The following SYNDIG1L variants were observed in gnomAD, a reference collection of about 807,000 sequenced individuals.
The protein encoded by SYNDIG1L is synapse differentiation inducing 1 like.
In SYNDIG1L, 13 loss-of-function variants were observed where a neutral mutation model predicts 20.1. The ratio of observed to expected loss-of-function variants is 0.65; its 90% CI spans 0.42 to 1.03. SYNDIG1L has a LOEUF of 1.03. Among genes scored for constraint, SYNDIG1L ranks in the 50% least tolerant of loss-of-function variants. The pLI, the probability that SYNDIG1L is intolerant of heterozygous loss-of-function variation, is 0.00. For missense variants in SYNDIG1L, 294 were observed against 305.1 expected, an observed-to-expected ratio of 0.96 and a Z score of 0.27; for synonymous variants, 128 against 129.3, an observed-to-expected ratio of 0.99 and a Z score of 0.07.
chr14:74,457,098 C>T, the SYNDIG1L span, among the ~76,000 whole-genome samples: 1 of 152,226 alleles, frequency 6.6e-6, no homozygotes, highest in Non-Finnish European at 1.5e-5. Flanking sequence ...AGAGATTTGA[C>T]AGCCGGGAAG....
At chr14:74,410,242 A>C (rs2086120677) in intron 1 of SYNDIG1L, among the ~76,000 whole-genome samples, 1 of 152,198 alleles carries the variant, frequency 6.6e-6, no homozygotes, top group South Asian at 2.1e-4. Context: ...TGCACAATGG[A>C]TGGAGCTGAC....
chr14:74,462,870 A>C, the SYNDIG1L span, among the ~76,000 whole-genome samples: 1 of 152,188 alleles, frequency 6.6e-6, no homozygotes, highest in African/African-American at 2.4e-5. Context: ...ATTGGAATGT[A>C]ACCCCCTCAT....
the SYNDIG1L span, among the ~76,000 whole-genome samples, chr14:74,434,382 G>A: frequency 1.9e-3 from 283 of 152,140 alleles, 3 homozygotes; most frequent in Non-Finnish European, 2.1e-3. Flanking sequence ...GGCCTGCCTC[G>A]GTGGGAGAAT....
chr14:74,442,491 G>A, the SYNDIG1L span, among the ~76,000 whole-genome samples: 1 of 152,146 alleles, frequency 6.6e-6, no homozygotes, highest in Non-Finnish European at 1.5e-5. Context: ...GGTGGGAAGA[G>A]AATAAAAGAA....
the SYNDIG1L span, chr14:74,474,961 T>G: frequency 2.6e-5 from 4 of 152,168 alleles, no homozygotes; most frequent in African/African-American, 9.7e-5. Context: ...GTCTCTATTC[T>G]CAAGATGTTT....
the SYNDIG1L span, among the ~76,000 whole-genome samples, chr14:74,448,744 C>T: frequency 1.3e-5 from 2 of 152,032 alleles, no homozygotes; most frequent in Non-Finnish European, 1.5e-5. Flanking sequence ...AGAAATATAT[C>T]TAGAAAATCA....
chr14:74,416,134 C>T (rs1425185342), intron 1 of SYNDIG1L, among the ~76,000 whole-genome samples: 1 of 151,972 alleles, frequency 6.6e-6, no homozygotes, highest in Non-Finnish European at 1.5e-5. Flanking sequence ...GAATTGTTCT[C>T]TCTCTTTTTT....
At chr14:74,453,334 TAG>T in the SYNDIG1L span, among the ~76,000 whole-genome samples, 1,846 of 102,610 alleles carry the variant, frequency 0.018, 46 homozygotes, top group African/African-American at 0.062. Flanking sequence ...GCCTAGGCAA[TAG>T]AGTGAGACTC....
chr14:74,412,492 GTCAA>G (rs2086139458), intron 1 of SYNDIG1L, among the ~76,000 whole-genome samples: 1 of 152,188 alleles, frequency 6.6e-6, no homozygotes, highest in Non-Finnish European at 1.5e-5. Context: ...GGCCACTGGT[GTCAA>G]TCAACTGTAG....
chr14:74,432,654 G>A, the SYNDIG1L span, among the ~76,000 whole-genome samples: 1 of 152,170 alleles, frequency 6.6e-6, no homozygotes, highest in Non-Finnish European at 1.5e-5. Context: ...TCAGGAGTTC[G>A]AGACCAGCTT....
the SYNDIG1L span, chr14:74,479,734 T>C: frequency 5.8e-6 from 1 of 173,184 alleles, no homozygotes; most frequent in Non-Finnish European, 1.2e-5. Flanking sequence ...TCGAGCATGC[T>C]TGGTGGTATA....
intron 1 of SYNDIG1L, among the ~76,000 whole-genome samples, chr14:74,419,625 A>G (rs2086205492): frequency 6.6e-6 from 1 of 152,206 alleles, no homozygotes; most frequent in South Asian, 2.1e-4. Flanking sequence ...ACAGACTAGC[A>G]AATACAAAGT....
intron 1 of SYNDIG1L, among the ~76,000 whole-genome samples, chr14:74,412,786 C>T (rs2086142405): frequency 6.6e-6 from 1 of 152,216 alleles, no homozygotes; most frequent in Non-Finnish European, 1.5e-5. Context: ...TCCACCCCTG[C>T]CCATCTTGCC....
In SYNDIG1L at chr14:74,416,879, C is replaced by G. The variant is rs75650066; in HGVS notation, c.-57-7078G>C. ...AGCCATGTGAAGTCTATGTCATCAT[C>G]ATCTGCATTTTACAGCAAAAGACAC... is the stretch of plus-strand genomic sequence containing the variant. On this transcript the variant is annotated intron_variant, in intron 1 of 3. Transcript: ENST00000331628. 2.6e-3 allele frequency among the ~76,000 whole-genome samples: 398 copies of G among 152,322 alleles called. 1 individual carries two copies. Among genetic ancestry groups the G allele is most frequent in the African/African-American group, 9.0e-3 (372 of 41,558 alleles).
chr14:74,437,035 C>G, the SYNDIG1L span, among the ~76,000 whole-genome samples: 7 of 152,206 alleles, frequency 4.6e-5, no homozygotes, highest in East Asian at 1.4e-3. Flanking sequence ...CTCTGAGTTT[C>G]TGGGAGGAGG....
chr14:74,414,149 G>T (rs1321751165), intron 1 of SYNDIG1L, among the ~76,000 whole-genome samples: 1 of 152,222 alleles, frequency 6.6e-6, no homozygotes, highest in Non-Finnish European at 1.5e-5. Context: ...AGTCTTCCCT[G>T]GATGGTGTGT....
chr14:74,472,593 C>T, the SYNDIG1L span, among the ~76,000 whole-genome samples: 1 of 152,082 alleles, frequency 6.6e-6, no homozygotes, highest in South Asian at 2.1e-4. Context: ...AATAATTATA[C>T]CAGTATATAG....
At chr14:74,435,075 T>C in the SYNDIG1L span, among the ~76,000 whole-genome samples, 5 of 91,234 alleles carry the variant, frequency 5.5e-5, no homozygotes, top group East Asian at 1.0e-3. Flanking sequence ...AGAGTGAGAC[T>C]CCGTCTCAAA....
chr14:74,426,940 A>C (rs911617434), upstream of SYNDIG1L, among the ~76,000 whole-genome samples: 27 of 152,070 alleles, frequency 1.8e-4, no homozygotes, highest in Middle Eastern at 3.4e-3. Flanking sequence ...GGACAAAGTG[A>C]GGGGTCATAT....
Sources: allele counts gnomAD v4.1 joint callset (sites outside exome capture counted in the v4.1 genomes callset), GRCh38; gene constraint gnomAD v4.1.1; transcripts MANE v1.5; gene names NCBI Gene and HGNC (gene_info 2026-07-23, HGNC 2026-07-21).